Variants in ZNF75A observed in about 807,000 individuals in gnomAD.
ZNF75A encodes zinc finger protein 75A.
A neutral mutation model predicts 46.3 loss-of-function variants in ZNF75A; 36 were observed. The ratio of observed to expected loss-of-function variants is 0.78; its 90% confidence interval spans 0.60 to 1.03. ZNF75A has a LOEUF of 1.03. Ranked by LOEUF, ZNF75A falls within the 50% of genes least tolerant of loss-of-function variation. The probability of loss-of-function intolerance (pLI) is 0.00; values close to 1 mark genes in which losing one functional copy is unlikely to be tolerated. For missense variants in ZNF75A, 595 were observed against 551.3 expected (o/e 1.08, Z -0.79); for synonymous variants, 234 against 189.9 (o/e 1.23, Z -1.91).
At chr16:3,306,213 C>G (rs1332251597) in intron 1 of ZNF75A, 1 of 152,128 alleles carries the variant, frequency 6.6e-6, no homozygotes, top group South Asian at 2.1e-4. Flanking sequence ...CCTTAGAAGT[C>G]TAAATGACCT....
chr16:3,323,236 A>T (rs1024080622), downstream of ZNF75A: 2 of 768,834 alleles, frequency 2.6e-6, no homozygotes, highest in African/African-American at 3.4e-5. Context: ...CAATAGCCAG[A>T]TGTGCCCATC....
chr16:3,306,543 C>T (rs866601476), intron 1 of ZNF75A: 1 of 152,020 alleles, frequency 6.6e-6, no homozygotes, highest in Non-Finnish European at 1.5e-5. Flanking sequence ...GAAACCCTGT[C>T]TCTACTAAAA....
intron 1 of ZNF75A, chr16:3,305,992 C>G (rs991736902): frequency 1.3e-5 from 2 of 152,254 alleles, no homozygotes; most frequent in East Asian, 1.9e-4. Context: ...ATTTCCGTGT[C>G]CGGCCGATGT....
chr16:3,319,887 A>T (rs1407542534), downstream of ZNF75A, among the ~76,000 whole-genome samples: 1 of 152,022 alleles, frequency 6.6e-6, no homozygotes, highest in East Asian at 1.9e-4. Flanking sequence ...GCAGCCATGA[A>T]ATCAAAGCAG....
chr16:3,314,824 C>T (rs1381383607), intron 5 of ZNF75A: 2 of 985,272 alleles, frequency 2.0e-6, no homozygotes, highest in Admixed American at 1.2e-4. Context: ...TCAGAAGGCC[C>T]TCTACAATGA....
At chr16:3,315,887 C>A (rs1416981579) in intron 5 of ZNF75A, 7 of 152,232 alleles carry the variant, frequency 4.6e-5, no homozygotes, top group Non-Finnish European at 1.0e-4. Flanking sequence ...GCACATGTGT[C>A]CTGCTACTGG....
intron 5 of ZNF75A, among the ~76,000 whole-genome samples, chr16:3,314,378 C>T (rs879596001): frequency 6.6e-6 from 1 of 152,222 alleles, no homozygotes; most frequent in East Asian, 1.9e-4. Flanking sequence ...GGCACCTGAG[C>T]TCCTCTTGCC....
Position 3,306,912 on chromosome 16 carries a change from G to A in ZNF75A, c.-117+1269G>A, listed in dbSNP as rs1403155466. ...AACTGCCATCCAAAAAATATTAAAT[G>A]GAAAACTCCAGAAATAAACAGTTCA... On this transcript the variant is annotated intron_variant, in intron 1 of 6. Transcript: ENST00000669516. 2 of 151,574 alleles carry A rather than the reference G, an allele frequency of 1.3e-5. 1 individual carries two copies. The highest frequency in any genetic ancestry group is 4.9e-5 in the African/African-American group (2 of 41,188). The allele number at this position is 151,574 out of a possible 1,614,324, so 9.4% of individuals were successfully genotyped here.
chr16:3,311,401 G>GCA (rs1471142384), intron 2 of ZNF75A, among the ~76,000 whole-genome samples: 1 of 149,550 alleles, frequency 6.7e-6, no homozygotes, highest in Non-Finnish European at 1.5e-5. Flanking sequence ...TTATGCCTTT[G>GCA]CACCCCAGCC....
chr16:3,316,947 T>A lies in ZNF75A; in HGVS notation c.859T>A (p.Cys287Ser). ...FVLPKPKVIS[C>S]LEQGEEPWVQ... is the part of the protein sequence containing the mutation. Reference sequence around the variant, plus strand: ...GCTCCCCAAACCTAAAGTGATCTCCTGTCTAGAGCAAGGGGAAGAGCCATG... The same window carrying A: ...GCTCCCCAAACCTAAAGTGATCTCCAGTCTAGAGCAAGGGGAAGAGCCATG... Residue 287 changes from cysteine to serine, a missense_variant, in exon 6 of 7, where the codon TGT becomes AGT. By Grantham distance (112) the Cys-to-Ser change is moderately radical. Coordinates refer to ENST00000669516, the MANE Select transcript of ZNF75A (RefSeq NM_001302109.2). The A allele has an allele frequency of 6.2e-7, 1 of 1,613,822 alleles. No individual in the cohort carries two copies. The highest frequency in any genetic ancestry group is 8.5e-7 in the Non-Finnish European group (1 of 1,179,864).
rs1161274774 is a variant in ZNF75A, at chr16:3,316,965, G to C, written c.877G>C (p.Glu293Gln). ...GATCTCCTGTCTAGAGCAAGGGGAA[G>C]AGCCATGGGTTCAAGTATCCCCGGA... The part of the protein sequence containing the change: ...KVISCLEQGE[E>Q]PWVQVSPEFK... The change falls in exon 6 of 7, where the codon GAG (glutamate) becomes CAG (glutamine). Residue 293 changes from glutamate to glutamine, a missense_variant. Coordinates refer to ENST00000669516, the MANE Select transcript of ZNF75A (RefSeq NM_001302109.2). 6.2e-7 allele frequency: 1 copy of C among 1,614,070 alleles called. No homozygotes were observed. The highest frequency in any genetic ancestry group is 1.1e-5 in the South Asian group (1 of 91,068).
chr16:3,310,784 G>A, intron 2 of ZNF75A: 1 of 985,452 alleles, frequency 1.0e-6, no homozygotes, highest in Non-Finnish European at 1.2e-6. Flanking sequence ...CCCTATAGTA[G>A]ATGAAAGTCT....
downstream of ZNF75A, among the ~76,000 whole-genome samples, chr16:3,319,121 T>G (rs116027169): frequency 4.0e-4 from 61 of 152,266 alleles, no homozygotes; most frequent in Admixed American, 3.9e-3. Context: ...CCTCTTATTT[T>G]ATTTTTTTTG....
Position 3,317,628 on chromosome 16 carries a change from A to G in ZNF75A, c.1373A>G (p.Tyr458Cys). 3.1e-6 allele frequency: 5 copies of G among 1,614,148 alleles called. No individual in the cohort carries two copies. Among genetic ancestry groups the G allele is most frequent in the Non-Finnish European group, 3.4e-6 (4 of 1,180,012 alleles). Residue 458 changes from tyrosine to cysteine, a missense_variant, in exon 7 of 7, where the codon TAT becomes TGT. Tyr to Cys is a radical substitution (Grantham distance 194, BLOSUM62 -2). Transcript: ENST00000669516. ...HLTTHQGIKPYKCSWCGKSFS... is the reference protein window; with the variant it reads ...HLTTHQGIKPCKCSWCGKSFS... ...ACAACACACCAAGGAATAAAACCAT[A>G]TAAATGTTCATGGTGTGGGAAAAGC...
chr16:3,307,720 G>A (rs1354815044), intron 1 of ZNF75A: 2 of 149,954 alleles, frequency 1.3e-5, no homozygotes, highest in African/African-American at 5.0e-5. Context: ...TTGTAGAGAC[G>A]GGGTCTCGCT....
intron 3 of ZNF75A, 71 bp downstream of exon 3, chr16:3,312,019 G>T (rs766879962): frequency 2.4e-5 from 20 of 838,864 alleles, no homozygotes; most frequent in Non-Finnish European, 2.6e-5. Flanking sequence ...AAATGTCATG[G>T]GCATTTTTTG....
chr16:3,322,839 T>TG, downstream of ZNF75A: 7 of 913,272 alleles, frequency 7.7e-6, no homozygotes, highest in Non-Finnish European at 7.9e-6. Context: ...TCCCTGGGCT[T>TG]GGTCGACTGC....
downstream of ZNF75A, among the ~76,000 whole-genome samples, chr16:3,319,073 A>G (rs1197858653): frequency 2.0e-5 from 3 of 152,136 alleles, no homozygotes; most frequent in South Asian, 2.1e-4. Context: ...GCTCTTAGGT[A>G]TATCAGGAAA....
At chr16:3,313,582 C>T (rs1960975174) in intron 5 of ZNF75A, among the ~76,000 whole-genome samples, 1 of 152,192 alleles carries the variant, frequency 6.6e-6, no homozygotes, top group African/African-American at 2.4e-5. Context: ...GCAACAATGT[C>T]TCATCTTCTT....
Sources: gnomAD v4.1 joint callset for allele counts (sites outside exome capture counted in the v4.1 genomes callset) on GRCh38, gnomAD v4.1.1 for gene constraint, MANE v1.5 for transcripts, NCBI Gene and HGNC (gene_info 2026-07-23, HGNC 2026-07-21) for gene names.